Variants in CNTN6 observed in about 807,000 individuals in gnomAD.
CNTN6 encodes contactin-6.
CNTN6 carries 137 observed loss-of-function variants against 122.8 expected under a neutral mutation model. That is an observed-to-expected ratio of 1.12 (90% CI 0.97 to 1.29). CNTN6 has a LOEUF of 1.29. CNTN6 is among the 50% of genes most tolerant of loss of function. CNTN6 has a pLI of 0.00. For synonymous variants in CNTN6, 570 were observed against 426.0 expected, an observed-to-expected ratio of 1.34 and a Z score of -4.16; for missense variants, 1,634 against 1,223.4, an observed-to-expected ratio of 1.34 and a Z score of -5.01.
chr3:1,329,884 G>A lies in CNTN6; in HGVS notation c.1313G>A (p.Arg438Lys). Residue 438 changes from arginine to lysine, a missense_variant, in exon 11 of 23, where the codon AGG becomes AAG. By Grantham distance (26) the Arg-to-Lys change is conservative. Coordinates refer to ENST00000446702, the MANE Select transcript of CNTN6 (RefSeq NM_001289080.2). ...VIGCKPNAFP[R>K]AAISWKRGTE... is the part of the protein sequence containing the mutation. ...GGATGCAAACCAAATGCTTTTCCCA[G>A]GGCAGCTATCTCTTGGAAAAGAGGA... 1 of 1,610,100 alleles carries A rather than the reference G, an allele frequency of 6.2e-7. No homozygotes were observed.
chr3:1,173,545 C>T (rs1375040202), intron 2 of CNTN6, among the ~76,000 whole-genome samples: 1 of 152,140 alleles, frequency 6.6e-6, no homozygotes, highest in Non-Finnish European at 1.5e-5. Flanking sequence ...GGATGTGAAC[C>T]CGGACCCATC....
intron 2 of CNTN6, among the ~76,000 whole-genome samples, chr3:1,201,099 T>TTTTG (rs1553623252): frequency 1.5e-5 from 2 of 130,020 alleles, no homozygotes; most frequent in Non-Finnish European, 3.3e-5. Flanking sequence ...AGCTAACATT[T>TTTTG]TGTGTGTGTG....
chr3:1,258,354 C>A (rs900119105), intron 4 of CNTN6, among the ~76,000 whole-genome samples: 5 of 152,008 alleles, frequency 3.3e-5, no homozygotes, highest in Non-Finnish European at 7.4e-5. Context: ...TCTTAGTGAG[C>A]AAGACAAAAG....
intron 12 of CNTN6, among the ~76,000 whole-genome samples, chr3:1,363,593 T>A (rs185857350): frequency 3.3e-5 from 5 of 152,076 alleles, no homozygotes; most frequent in Admixed American, 2.0e-4. Context: ...TGGTAGTATC[T>A]CCTTCTTTTA....
At chr3:1,111,127 A>G (rs1372625880) in intron 1 of CNTN6, among the ~76,000 whole-genome samples, 2 of 152,196 alleles carry the variant, frequency 1.3e-5, no homozygotes, top group African/African-American at 4.8e-5. Context: ...ACATACAGCA[A>G]CTAGTAGTGA....
chr3:1,215,886 G>T (rs1160545786), intron 2 of CNTN6, among the ~76,000 whole-genome samples: 1 of 152,024 alleles, frequency 6.6e-6, no homozygotes, highest in Non-Finnish European at 1.5e-5. Context: ...TTTATGGCGA[G>T]TACCCACATT....
intron 11 of CNTN6, among the ~76,000 whole-genome samples, chr3:1,334,419 T>G (rs1446860952): frequency 2.0e-5 from 3 of 151,734 alleles, no homozygotes; most frequent in Non-Finnish European, 4.4e-5. Flanking sequence ...GGATTTATCT[T>G]AAGATGAAAT....
intron 17 of CNTN6, among the ~76,000 whole-genome samples, chr3:1,379,008 C>T (rs1710272093): frequency 1.3e-5 from 2 of 152,156 alleles, no homozygotes; most frequent in Admixed American, 1.3e-4. Flanking sequence ...TCATCAAAGG[C>T]CAAATAAGCA....
chr3:1,303,180 C>T (rs2125898312), intron 7 of CNTN6, among the ~76,000 whole-genome samples: 1 of 150,592 alleles, frequency 6.6e-6, no homozygotes, highest in South Asian at 2.1e-4. Flanking sequence ...TATTATAGCA[C>T]TTAATATATT....
chr3:1,363,148 C>T (rs1441171083), intron 12 of CNTN6, among the ~76,000 whole-genome samples: 1 of 151,776 alleles, frequency 6.6e-6, no homozygotes, highest in Non-Finnish European at 1.5e-5. Context: ...AAATGTTTGA[C>T]CTACTTATGT....
intron 7 of CNTN6, among the ~76,000 whole-genome samples, chr3:1,313,313 T>C (rs155411): frequency 0.34 from 52,087 of 152,066 alleles, 14,919 homozygotes; most frequent in African/African-American, 0.79. Context: ...ATTCATATTA[T>C]TTACATTAAA....
intron 7 of CNTN6, among the ~76,000 whole-genome samples, chr3:1,300,571 A>AAG (rs1424190070): frequency 1.6e-5 from 1 of 64,356 alleles, no homozygotes; most frequent in Non-Finnish European, 2.8e-5. Context: ...GAAAGAAAGA[A>AAG]AGAAAGAAAG....
intron 7 of CNTN6, among the ~76,000 whole-genome samples, chr3:1,313,159 A>G (rs1214985300): frequency 1.3e-5 from 2 of 152,094 alleles, no homozygotes; most frequent in African/African-American, 4.8e-5. Flanking sequence ...TAAGAGCAGC[A>G]GAGGTATTTA....
chr3:1,107,262 G>A (rs541058992), intron 1 of CNTN6, among the ~76,000 whole-genome samples: 139 of 152,150 alleles, frequency 9.1e-4, no homozygotes, highest in African/African-American at 3.2e-3. Flanking sequence ...TCACACAAAA[G>A]CCAGAAAATG....
chr3:1,292,048 C>A (rs1695417396), intron 5 of CNTN6, among the ~76,000 whole-genome samples: 2 of 151,952 alleles, frequency 1.3e-5, no homozygotes, highest in African/African-American at 2.4e-5. Flanking sequence ...TTTGCTACAT[C>A]CCGAGTAGTG....
intron 5 of CNTN6, among the ~76,000 whole-genome samples, chr3:1,289,236 C>A (rs993543126): frequency 3.9e-5 from 6 of 151,982 alleles, no homozygotes; most frequent in African/African-American, 1.5e-4. Context: ...GTGGCTGATG[C>A]TGGAACAAAA....
intron 12 of CNTN6, among the ~76,000 whole-genome samples, chr3:1,358,637 C>A (rs1159650680): frequency 6.6e-6 from 1 of 151,978 alleles, no homozygotes; most frequent in Non-Finnish European, 1.5e-5. Context: ...TCACATGAAT[C>A]AAACTTAGCC....
At chr3:1,155,221 A>G (rs1375590278) in intron 2 of CNTN6, among the ~76,000 whole-genome samples, 2 of 152,210 alleles carry the variant, frequency 1.3e-5, no homozygotes, top group African/African-American at 4.8e-5. Flanking sequence ...CTAGAGGAAT[A>G]TAAGTTTTAT....
At chr3:1,176,975 G>A (rs966081594) in intron 2 of CNTN6, among the ~76,000 whole-genome samples, 3 of 150,428 alleles carry the variant, frequency 2.0e-5, no homozygotes, top group Non-Finnish European at 4.4e-5. Flanking sequence ...CACTCATAAT[G>A]AGACCAACTG....
Sources: gnomAD v4.1 joint callset for allele counts (sites outside exome capture counted in the v4.1 genomes callset) on GRCh38, gnomAD v4.1.1 for gene constraint, MANE v1.5 for transcripts, NCBI Gene and HGNC (gene_info 2026-07-23, HGNC 2026-07-21) for gene names.